The following HPSE2 variants were observed in gnomAD, a reference collection of about 807,000 sequenced individuals.
HPSE2 encodes the protein heparanase 2 (inactive).
HPSE2 carries 38 observed loss-of-function variants against 60.5 expected under a neutral mutation model. The ratio of observed to expected loss-of-function variants is 0.63; its 90% CI spans 0.48 to 0.82. The LOEUF is 0.82. Ranked by LOEUF, HPSE2 falls within the 40% of genes least tolerant of loss-of-function variation. The probability of loss-of-function intolerance (pLI) is 0.00; values close to 1 mark genes in which losing one functional copy is unlikely to be tolerated. For synonymous variants in HPSE2, 295 were observed against 293.2 expected (o/e 1.01, Z -0.06); for missense variants, 713 against 740.4 (o/e 0.96, Z 0.43).
intron 3 of HPSE2, among the ~76,000 whole-genome samples, chr10:98,845,398 T>A (rs1472523852): frequency 2.0e-5 from 3 of 152,214 alleles, no homozygotes; most frequent in Non-Finnish European, 4.4e-5. Context: ...ATGGTGTCTG[T>A]CTCTCCTATA....
At chr10:99,131,834 G>A (rs575889072) in intron 3 of HPSE2, among the ~76,000 whole-genome samples, 1 of 152,098 alleles carries the variant, frequency 6.6e-6, no homozygotes. Flanking sequence ...ACTAAAGGCC[G>A]GGTACAGTGG....
At chr10:99,269,818 G>A in the HPSE2 span, among the ~76,000 whole-genome samples, 13 of 152,072 alleles carry the variant, frequency 8.5e-5, no homozygotes, top group East Asian at 3.9e-4. Context: ...AATCAACTCC[G>A]AAAGGAACCC....
At chr10:98,722,900 T>C (rs1948965301) in intron 4 of HPSE2, among the ~76,000 whole-genome samples, 2 of 152,204 alleles carry the variant, frequency 1.3e-5, no homozygotes, top group South Asian at 2.1e-4. Flanking sequence ...AGACATCATG[T>C]CATCTGCAAA....
intron 3 of HPSE2, among the ~76,000 whole-genome samples, chr10:98,925,814 T>G (rs1420829838): frequency 6.6e-6 from 1 of 152,150 alleles, no homozygotes; most frequent in Non-Finnish European, 1.5e-5. Flanking sequence ...AACTGGCTTT[T>G]GTTGGGGTCT....
At chr10:99,159,251 C>A (rs965855485) in intron 2 of HPSE2, among the ~76,000 whole-genome samples, 1 of 151,834 alleles carries the variant, frequency 6.6e-6, no homozygotes, top group African/African-American at 2.4e-5. Flanking sequence ...AACTGAAAAA[C>A]CTTGAGCTAG....
At chr10:98,692,756 G>A (rs1002732378) in intron 6 of HPSE2, among the ~76,000 whole-genome samples, 4 of 148,374 alleles carry the variant, frequency 2.7e-5, no homozygotes, top group Non-Finnish European at 6.0e-5. Flanking sequence ...GCGACAGAGC[G>A]AGACTCTGTC....
Position 98,463,937 on chromosome 10 carries a change from T to C in HPSE2, c.1614-4198A>G, listed in dbSNP as rs549297875. Among the ~76,000 whole-genome samples the C allele has an allele frequency of 1.6e-4, 24 of 151,882 alleles. 1 individual carries two copies. The South Asian group carries it at 5.0e-3, about 32-fold the overall frequency. ...TTTGAGACCAGCCAGACCAACATGG[T>C]GAAACCCTGTCTCTACTAAAAATAC... On this transcript the variant is annotated intron_variant, in intron 11 of 11. Coordinates refer to ENST00000370552, the MANE Select transcript of HPSE2 (RefSeq NM_021828.5).
the HPSE2 span, among the ~76,000 whole-genome samples, chr10:99,249,320 AGT>A: frequency 6.6e-6 from 1 of 152,194 alleles, no homozygotes; most frequent in Non-Finnish European, 1.5e-5. Flanking sequence ...CCCTTGCATC[AGT>A]GTGCCCTGAA....
intron 6 of HPSE2, among the ~76,000 whole-genome samples, chr10:98,657,212 C>CAAAAA (rs57694497): frequency 0.19 from 25,904 of 138,208 alleles, 2,937 homozygotes; most frequent in East Asian, 0.32. Context: ...AGAAGCTGTG[C>CAAAAA]AAAAAAAAAA....
At chr10:98,852,154 T>A (rs1324995040) in intron 3 of HPSE2, among the ~76,000 whole-genome samples, 2 of 130,942 alleles carry the variant, frequency 1.5e-5, no homozygotes, top group Admixed American at 1.4e-4. Context: ...TGTGTGTGTG[T>A]GTGTGTGTGT....
At chr10:99,186,030 T>G (rs562966302) in intron 2 of HPSE2, among the ~76,000 whole-genome samples, 10 of 147,140 alleles carry the variant, frequency 6.8e-5, no homozygotes, top group African/African-American at 2.5e-4. Context: ...GCTGAGAAAT[T>G]TCCAAAATTA....
At chr10:98,671,591 T>TTACAAAGA (rs1385371374) in intron 6 of HPSE2, among the ~76,000 whole-genome samples, 1 of 152,232 alleles carries the variant, frequency 6.6e-6, no homozygotes, top group East Asian at 1.9e-4. Context: ...TTCAGTTTGC[T>TTACAAAGA]AATACACTTT....
chr10:99,187,067 A>G (rs1447844114), intron 2 of HPSE2, among the ~76,000 whole-genome samples: 2 of 152,176 alleles, frequency 1.3e-5, no homozygotes, highest in African/African-American at 2.4e-5. Flanking sequence ...TATAGGCATG[A>G]GCTACCCCAC....
chr10:99,305,979 G>GCGCGCGCGCGCGCACA, the HPSE2 span, among the ~76,000 whole-genome samples: 7 of 80,580 alleles, frequency 8.7e-5, no homozygotes, highest in Non-Finnish European at 1.4e-4. Flanking sequence ...GCGCGCGCGC[G>GCGCGCGCGCGCGCACA]CACACACACA....
intron 9 of HPSE2, among the ~76,000 whole-genome samples, chr10:98,587,334 A>G (rs992470055): frequency 6.6e-6 from 1 of 152,334 alleles, no homozygotes; most frequent in Non-Finnish European, 1.5e-5. Flanking sequence ...TCTGTGAGTC[A>G]TATCATGATT....
At chr10:98,923,835 G>A (rs949489533) in intron 3 of HPSE2, among the ~76,000 whole-genome samples, 10 of 151,878 alleles carry the variant, frequency 6.6e-5, no homozygotes, top group East Asian at 5.8e-4. Flanking sequence ...TTTGAGTTTC[G>A]TCAAAACAGC....
intron 3 of HPSE2, among the ~76,000 whole-genome samples, chr10:99,135,010 G>A (rs771185206): frequency 3.9e-5 from 6 of 152,146 alleles, no homozygotes; most frequent in South Asian, 2.1e-4. Flanking sequence ...CAAAATAAAC[G>A]GATGGAGGAA....
chr10:98,685,292 G>A (rs1039851158), intron 6 of HPSE2, among the ~76,000 whole-genome samples: 1 of 152,066 alleles, frequency 6.6e-6, no homozygotes, highest in African/African-American at 2.4e-5. Context: ...CATATGATGA[G>A]ATACATGAAT....
At chr10:98,798,765 G>A (rs899131450) in intron 3 of HPSE2, among the ~76,000 whole-genome samples, 2 of 151,994 alleles carry the variant, frequency 1.3e-5, no homozygotes, top group Non-Finnish European at 2.9e-5. Context: ...CTATTAAATT[G>A]TATCACCAGA....
Sources: allele counts gnomAD v4.1 joint callset (sites outside exome capture counted in the v4.1 genomes callset), GRCh38; gene constraint gnomAD v4.1.1; transcripts MANE v1.5; gene names NCBI Gene and HGNC (gene_info 2026-07-23, HGNC 2026-07-21).